Variants in CAPN1 observed in about 807,000 individuals in gnomAD.
CAPN1 encodes calpain 1, also known as calpain-1 catalytic subunit.
Under a neutral mutation model 105.2 loss-of-function variants are expected in CAPN1, and 77 were observed. The ratio of observed to expected loss-of-function variants is 0.73; its 90% CI spans 0.61 to 0.88. CAPN1 has a LOEUF of 0.88. Ranked by LOEUF, CAPN1 falls within the 40% of genes least tolerant of loss-of-function variation. The probability of loss-of-function intolerance (pLI) is 0.00; values close to 1 mark genes in which losing one functional copy is unlikely to be tolerated. For synonymous variants in CAPN1, 355 were observed against 388.8 expected, an observed-to-expected ratio of 0.91 and a Z score of 1.02; for missense variants, 833 against 976.6, an observed-to-expected ratio of 0.85 and a Z score of 1.96.
chr11:65,206,683 T>C lies in CAPN1; in HGVS notation c.1565+9T>C, dbSNP rs750249982. The C allele has an allele frequency of 3.1e-6, 5 of 1,612,226 alleles. No individual in the cohort carries two copies. In the Admixed American group the frequency reaches 6.7e-5, roughly 22 times the overall value. On this transcript the variant is annotated intron_variant, in intron 13 of 21. Coordinates refer to ENST00000279247, the MANE Select transcript of CAPN1 (RefSeq NM_005186.4). ...AAGAGTGCTGGGACTGTGTGAGTCA[T>C]GGACTGGCCCCTGCCACTCTCCCCT... is the stretch of plus-strand genomic sequence containing the variant.
chr11:65,204,921 C>T, intron 11 of CAPN1, 63 bp downstream of exon 11: 1 of 1,441,884 alleles, frequency 6.9e-7, no homozygotes, highest in Non-Finnish European at 9.6e-7. Flanking sequence ...GCCCCCGACC[C>T]GCAGTGCAGG....
At chr11:65,193,108 G>T (rs1466976233) in intron 10 of CAPN1, among the ~76,000 whole-genome samples, 1 of 149,974 alleles carries the variant, frequency 6.7e-6, no homozygotes, top group East Asian at 2.0e-4. Flanking sequence ...AGCCTCCCGA[G>T]TAGCTGGGAC....
chr11:65,191,323 A>C (rs1475321414), intron 10 of CAPN1, among the ~76,000 whole-genome samples: 1 of 152,226 alleles, frequency 6.6e-6, no homozygotes, highest in Non-Finnish European at 1.5e-5. Flanking sequence ...ACATCTCCCA[A>C]GTGATCTTGT....
intron 1 of CAPN1, chr11:65,182,252 A>C: frequency 2.4e-5 from 2 of 83,002 alleles, no homozygotes; most frequent in Non-Finnish European, 5.3e-5. Context: ...GAGGAGGGGG[A>C]CCCCGACCGT....
Position 65,183,153 on chromosome 11 carries a change from T to A in CAPN1, c.293T>A (p.Ile98Asn), listed in dbSNP as rs1293445986. 9.9e-6 allele frequency: 16 copies of A among 1,613,768 alleles called. No individual in the cohort carries two copies. The highest frequency in any genetic ancestry group is 1.4e-5 in the Non-Finnish European group (16 of 1,179,842). ...GAACTGCTGTCAAACCCCCAGTTCATTGTGGATGGAGCTACCCGCACAGAC... is the reference window on the plus strand; with the variant it reads ...GAACTGCTGTCAAACCCCCAGTTCAATGTGGATGGAGCTACCCGCACAGAC... Reference protein sequence around the residue: ...PTELLSNPQFIVDGATRTDIC... With the variant: ...PTELLSNPQFNVDGATRTDIC... The change falls in exon 3 of 22, where the codon ATT (isoleucine) becomes AAT (asparagine). Residue 98 changes from isoleucine (I) to asparagine (N), a missense_variant. By Grantham distance (149) the Ile-to-Asn change is moderately radical (BLOSUM62 -3). Coordinates refer to ENST00000279247, the MANE Select transcript of CAPN1 (RefSeq NM_005186.4).
intron 13 of CAPN1, 27 bp downstream of exon 13, chr11:65,206,701 T>TCTCCCCTCTCCCAGC (rs1363944807): frequency 6.2e-7 from 1 of 1,610,528 alleles, no homozygotes; most frequent in Non-Finnish European, 8.5e-7. Context: ...CCCCTGCCAC[T>TCTCCCCTCTCCCAGC]CTCCCCTCTC....
chr11:65,205,790 G>A, intron 12 of CAPN1, 69 bp downstream of exon 12: 2 of 1,457,412 alleles, frequency 1.4e-6, no homozygotes, highest in Non-Finnish European at 1.9e-6. Context: ...GCAACCCAGT[G>A]GCAAACCCAC....
chr11:65,206,584 G>C lies in CAPN1; in HGVS notation c.1475G>C (p.Gly492Ala). The stretch of plus-strand genomic sequence containing the variant: ...AGCACCCGCTTCCGCCTGCCACCCG[G>C]GGAGTATGTGGTGGTGCCCTCCACC... Reference protein sequence around the residue: ...EVSTRFRLPPGEYVVVPSTFE... With the variant: ...EVSTRFRLPPAEYVVVPSTFE... The change falls in exon 13 of 22, where the codon GGG becomes GCG. Residue 492 changes from glycine to alanine, a missense_variant. By Grantham distance (60) the Gly-to-Ala change is moderately conservative. Coordinates refer to ENST00000279247, the MANE Select transcript of CAPN1 (RefSeq NM_005186.4). 1 of 1,613,478 alleles carries C rather than the reference G, an allele frequency of 6.2e-7. No individual in the cohort carries two copies. Among genetic ancestry groups the C allele is most frequent in the Non-Finnish European group, 8.5e-7 (1 of 1,179,876 alleles).
At position 65,209,599 on chromosome 11, in the gene CAPN1, C is replaced by T. The variant is rs1032889470; in HGVS notation, c.1794+212C>T. On this transcript the variant is annotated intron_variant, in intron 17 of 21. Transcript: ENST00000279247. This position sits in a 1 kb window ranked among gnomAD's most constrained non-coding sequence, Gnocchi z 4.1. ...GACCTGTGTCAAGTGAAAGGTGGAG[C>T]AAGACCTGGGTCCCCATTGACCCTG... 1 of 640,412 alleles carries T rather than the reference C, an allele frequency of 1.6e-6. No homozygotes were observed. Among genetic ancestry groups the T allele is most frequent in the African/African-American group, 1.8e-5 (1 of 54,928 alleles). 39.7% of individuals were successfully genotyped at this position (640,412 alleles called of 1,614,324 possible).
chr11:65,197,517 G>A (rs1565406657), intron 10 of CAPN1, among the ~76,000 whole-genome samples: 1 of 152,000 alleles, frequency 6.6e-6, no homozygotes, highest in Middle Eastern at 3.4e-3. Context: ...ACTGTTTGAT[G>A]TCCAATCTTT....
Position 65,183,533 on chromosome 11 carries a change from C to T in CAPN1, c.397C>T (p.Arg133Ter), listed in dbSNP as rs368184932. 2 of 1,613,940 alleles carry T rather than the reference C, an allele frequency of 1.2e-6. No individual in the cohort carries two copies. Among genetic ancestry groups the T allele is most frequent in the Non-Finnish European group, 8.5e-7 (1 of 1,179,828 alleles). ...CACTCTCAACGACACCCTCCTGCAC[C>T]GAGTGGTTCCGCACGGCCAGAGCTT... ...SLTLNDTLLH[R>*]VVPHGQSFQN... The change falls in exon 4 of 22, where the codon CGA (arginine) becomes TGA (stop). Residue 133 changes from arginine to a stop codon, truncating the protein, a stop_gained. Transcript: ENST00000279247. LOFTEE classifies it high-confidence loss of function.
intron 14 of CAPN1, 77 bp downstream of exon 14, chr11:65,206,896 C>A: frequency 1.4e-6 from 2 of 1,390,644 alleles, no homozygotes; most frequent in South Asian, 1.3e-5. Context: ...CCCAGGTGTC[C>A]TGTCCCCTGA....
intron 4 of CAPN1, 24 bp downstream of exon 4, chr11:65,183,616 G>A: frequency 6.6e-7 from 1 of 1,515,884 alleles, no homozygotes; most frequent in Non-Finnish European, 9.2e-7. Flanking sequence ...TGGGGAGGAG[G>A]GGCAGCAGGC....
rs565455970 is a variant in CAPN1 at position 65,208,329 on chromosome 11, C to T, written c.1729+67C>T. 5.5e-5 allele frequency: 79 copies of T among 1,423,740 alleles called. No individual in the cohort carries two copies. In the East Asian group the frequency reaches 1.9e-3, roughly 35 times the overall value. The allele number at this position is 1,423,740 out of a possible 1,614,324, so 88.2% of individuals were successfully genotyped here. A position where few individuals can be genotyped will look rare whatever the true frequency, so the allele number is the denominator to read the frequency against. On this transcript the variant is annotated intron_variant, in intron 16 of 21. Transcript: ENST00000279247. This position sits in a 1 kb window ranked among gnomAD's most constrained non-coding sequence, Gnocchi z 4.1. Reference sequence around the variant, plus strand: ...CCACATCAGAATCCAGGCTCCTGCTCACACATTGAGCTGAACCTCATCCCT... The same window carrying T: ...CCACATCAGAATCCAGGCTCCTGCTTACACATTGAGCTGAACCTCATCCCT...
chr11:65,199,633 G>T (rs1328077158), intron 10 of CAPN1, among the ~76,000 whole-genome samples: 1 of 152,080 alleles, frequency 6.6e-6, no homozygotes, highest in East Asian at 1.9e-4. Context: ...TCTCTGGATT[G>T]CATTCTGGGT....
Position 65,188,758 on chromosome 11 carries a change from C to T in CAPN1, c.1165+12C>T, listed in dbSNP as rs762642565. On this transcript the variant is annotated intron_variant, in intron 10 of 21. Coordinates refer to ENST00000279247, the MANE Select transcript of CAPN1 (RefSeq NM_005186.4). This position sits in a 1 kb window ranked among gnomAD's most constrained non-coding sequence, Gnocchi z 5.5. Reference sequence around the variant, plus strand: ...CCGAAACTACCCAGGTGCACAGGGGCGGGCTCTGGGTCTTGCTGCTTCCTG... The same window carrying T: ...CCGAAACTACCCAGGTGCACAGGGGTGGGCTCTGGGTCTTGCTGCTTCCTG... 7.1e-6 allele frequency: 11 copies of T among 1,551,324 alleles called. No individual in the cohort carries two copies. Among genetic ancestry groups the T allele is most frequent in the Middle Eastern group, 1.7e-4 (1 of 6,004 alleles).
At chr11:65,186,600 C>T (rs1390728077) in intron 6 of CAPN1, among the ~76,000 whole-genome samples, 2 of 152,022 alleles carry the variant, frequency 1.3e-5, no homozygotes, top group Non-Finnish European at 2.9e-5. Context: ...ATGCTGTTTC[C>T]CTCATTCCTG....
chr11:65,182,401 A>G (rs906160460), intron 1 of CAPN1: 15 of 361,764 alleles, frequency 4.1e-5, no homozygotes, highest in Non-Finnish European at 6.5e-5. Context: ...TGCTGTCTGG[A>G]GGCTCCGCCC....
At position 65,209,733 on chromosome 11, in the gene CAPN1, C is replaced by A; in HGVS notation, c.1795-116C>A. On this transcript the variant is annotated intron_variant, in intron 17 of 21. Coordinates refer to ENST00000279247, the MANE Select transcript of CAPN1 (RefSeq NM_005186.4). This position sits in a 1 kb window ranked among gnomAD's most constrained non-coding sequence, Gnocchi z 4.1. ...ACTGTACATGGCTTTTGCTGCTTCTCCTCACCCAGCCCCAAGTCGACTTGC... is the reference window on the plus strand; with the variant it reads ...ACTGTACATGGCTTTTGCTGCTTCTACTCACCCAGCCCCAAGTCGACTTGC... 3 of 998,302 alleles carry A rather than the reference C, an allele frequency of 3.0e-6. No individual in the cohort carries two copies. Among genetic ancestry groups the A allele is most frequent in the South Asian group, 1.5e-5 (1 of 66,190 alleles). The allele number at this position is 998,302 out of a possible 1,614,324, so 61.8% of individuals were successfully genotyped here. A position where few individuals can be genotyped will look rare whatever the true frequency, so the allele number is the denominator to read the frequency against.
Sources: gnomAD v4.1 joint callset for allele counts (sites outside exome capture counted in the v4.1 genomes callset) on GRCh38, gnomAD v4.1.1 for gene constraint, Gnocchi (gnomAD v3.1) non-coding constraint, MANE v1.5 for transcripts, NCBI Gene and HGNC (gene_info 2026-07-23, HGNC 2026-07-21) for gene names.